The following UIMC1 variants were observed in gnomAD, a reference collection of about 807,000 sequenced individuals.
UIMC1 encodes BRCA1-A complex subunit RAP80.
A neutral mutation model predicts 84.9 loss-of-function variants in UIMC1; 42 were observed. That is an observed-to-expected ratio of 0.49 (90% CI 0.39 to 0.64). The LOEUF (loss-of-function observed/expected upper bound fraction) is 0.64, where lower values mean the gene tolerates loss of function less well. Ranked by LOEUF, UIMC1 falls within the 30% of genes least tolerant of loss-of-function variation. UIMC1 has a pLI of 0.00. For missense variants in UIMC1, 825 were observed against 847.6 expected (o/e 0.97, Z 0.33); for synonymous variants, 281 against 293.0 (o/e 0.96, Z 0.42).
intron 7 of UIMC1, among the ~76,000 whole-genome samples, chr5:176,957,005 T>C (rs1362543347): frequency 6.6e-6 from 1 of 152,116 alleles, no homozygotes; most frequent in Non-Finnish European, 1.5e-5. Context: ...GCTAATCAAT[T>C]TGAAGTCAAA....
At chr5:176,950,902 C>T (rs1364319241) in intron 9 of UIMC1, among the ~76,000 whole-genome samples, 7 of 151,882 alleles carry the variant, frequency 4.6e-5, no homozygotes, top group Non-Finnish European at 1.0e-4. Context: ...AAAATATACA[C>T]ACCGAGAATC....
chr5:176,945,465 T>C (rs1247590610), intron 9 of UIMC1, among the ~76,000 whole-genome samples: 1 of 152,156 alleles, frequency 6.6e-6, no homozygotes, highest in Admixed American at 6.5e-5. Flanking sequence ...GCACGCAGGA[T>C]CGTGTAAAGA....
chr5:176,978,567 C>CAA (rs907092588), intron 2 of UIMC1, among the ~76,000 whole-genome samples: 3 of 151,204 alleles, frequency 2.0e-5, no homozygotes, highest in Non-Finnish European at 4.4e-5. Flanking sequence ...TAGCGCCCCC[C>CAA]AAAAAAAACT....
At chr5:176,950,244 T>C (rs1275105778) in intron 9 of UIMC1, among the ~76,000 whole-genome samples, 2 of 150,770 alleles carry the variant, frequency 1.3e-5, no homozygotes, top group South Asian at 2.1e-4. Context: ...AGACTACAGA[T>C]GCGCACCACC....
In UIMC1 at chr5:177,002,882, A is replaced by G. The variant is rs183701866; in HGVS notation, c.-9+3768T>C. On this transcript the variant is annotated intron_variant, in intron 1 of 14. Transcript: ENST00000511320. ...CCAGAATATATCATTATGAGGAAACACAGGTTCAGAAAAGTAACTTGCCCA... is the reference window on the plus strand; with the variant it reads ...CCAGAATATATCATTATGAGGAAACGCAGGTTCAGAAAAGTAACTTGCCCA... Among the ~76,000 whole-genome samples the G allele has an allele frequency of 5.1e-3, 771 of 152,236 alleles. 5 individuals are homozygous for G. In the Middle Eastern group the frequency reaches 0.075, roughly 15 times the overall value.
At chr5:176,967,209 T>A (rs1768436905) in intron 6 of UIMC1, among the ~76,000 whole-genome samples, 1 of 152,122 alleles carries the variant, frequency 6.6e-6, no homozygotes, top group South Asian at 2.1e-4. Context: ...ATATCTTCCA[T>A]GTGGATGAAA....
chr5:176,949,727 G>A (rs1049744901), intron 9 of UIMC1, among the ~76,000 whole-genome samples: 247 of 152,324 alleles, frequency 1.6e-3, no homozygotes, highest in African/African-American at 5.7e-3. Flanking sequence ...GCAGCGCAGA[G>A]ACCAGGGAGA....
intron 10 of UIMC1, among the ~76,000 whole-genome samples, chr5:176,927,625 CA>C (rs1459996993): frequency 6.6e-6 from 1 of 152,030 alleles, no homozygotes; most frequent in African/African-American, 2.4e-5. Flanking sequence ...ATGTAAAATA[CA>C]TAAATGTATG....
intron 2 of UIMC1, among the ~76,000 whole-genome samples, chr5:176,981,739 G>A (rs1771086280): frequency 6.6e-6 from 1 of 151,904 alleles, no homozygotes; most frequent in Admixed American, 6.6e-5. Context: ...AGTGAGCTGA[G>A]CTAACACCAC....
At chr5:176,921,521 G>GC (rs1021245207) in intron 10 of UIMC1, among the ~76,000 whole-genome samples, 44 of 152,192 alleles carry the variant, frequency 2.9e-4, no homozygotes, top group African/African-American at 1.0e-3. Context: ...ACCTGTTCCT[G>GC]CCCCAGTGTT....
intron 10 of UIMC1, among the ~76,000 whole-genome samples, chr5:176,923,413 C>T (rs1308144519): frequency 6.6e-6 from 1 of 151,966 alleles, no homozygotes; most frequent in Non-Finnish European, 1.5e-5. Flanking sequence ...AGCTGGGTGT[C>T]GTGGCACATG....
intron 14 of UIMC1, 68 bp from the exon 15 acceptor site, chr5:176,905,560 G>A (rs535980252): frequency 1.4e-4 from 197 of 1,396,482 alleles, no homozygotes; most frequent in Non-Finnish European, 1.8e-4. Context: ...GCTATGCACT[G>A]TATCAGGGGA....
chr5:176,963,861 A>AAT (rs1767905644), intron 6 of UIMC1, among the ~76,000 whole-genome samples: 1 of 151,272 alleles, frequency 6.6e-6, no homozygotes, highest in South Asian at 2.1e-4. Context: ...AAAAAAAAAA[A>AAT]TTCCAATATC....
rs561484185 is a variant in UIMC1, at chr5:176,990,834, C to G, written c.-8-8211G>C. On this transcript the variant is annotated intron_variant, in intron 1 of 14. Transcript: ENST00000511320. ...GACTACAAGAGTACACCACAACACT[C>G]AGCTAATTTTTTTTTTTAAAGAGAT... 1.6e-3 allele frequency among the ~76,000 whole-genome samples: 247 copies of G among 151,612 alleles called. 2 individuals carry two copies. The highest frequency in any genetic ancestry group is 5.7e-3 in the African/African-American group (237 of 41,222).
chr5:177,016,804 C>T (rs926944223), intron 1 of UIMC1, among the ~76,000 whole-genome samples: 1 of 152,064 alleles, frequency 6.6e-6, no homozygotes, highest in East Asian at 1.9e-4. Flanking sequence ...AGGTGAATCA[C>T]CTGAGGTCAG....
Position 176,975,396 on chromosome 5 carries a change from G to C in UIMC1, c.232C>G (p.Gln78Glu). The C allele has an allele frequency of 1.2e-6, 2 of 1,613,268 alleles. No homozygotes were observed. The highest frequency in any genetic ancestry group is 1.7e-6 in the Non-Finnish European group (2 of 1,179,592). ...CATTATCAACAAAATGAAAACATAC[G>C]TGCGATTTTTCTTTTGGCCAAACAC... is the stretch of plus-strand genomic sequence containing the variant. Reference protein sequence around the residue: ...AKCLAKRKIAQMTEEEQFALA... With the variant: ...AKCLAKRKIAEMTEEEQFALA... The change falls in exon 3 of 15, where the codon CAG becomes GAG. Residue 78 changes from glutamine to glutamate, a missense_variant and splice_region_variant. Physicochemically the swap from Gln to Glu is conservative, Grantham distance 29. Coordinates refer to ENST00000511320, the MANE Select transcript of UIMC1 (RefSeq NM_001199298.2).
intron 9 of UIMC1, among the ~76,000 whole-genome samples, chr5:176,949,296 A>G (rs1581496455): frequency 6.6e-6 from 1 of 152,140 alleles, no homozygotes; most frequent in Non-Finnish European, 1.5e-5. Flanking sequence ...AGGACATTCA[A>G]TGTGAGAAAG....
intron 1 of UIMC1, among the ~76,000 whole-genome samples, chr5:177,018,576 G>A (rs1775722980): frequency 6.6e-6 from 1 of 152,034 alleles, no homozygotes; most frequent in Non-Finnish European, 1.5e-5. Context: ...AGGATGTGTT[G>A]GAAAATGGTT....
At chr5:176,918,926 T>G (rs796598541) in intron 10 of UIMC1, among the ~76,000 whole-genome samples, 10 of 152,202 alleles carry the variant, frequency 6.6e-5, no homozygotes, top group South Asian at 6.2e-4. Context: ...CCTCACTTTT[T>G]ATTTAAGATC....
Sources: gnomAD v4.1 joint callset for allele counts (sites outside exome capture counted in the v4.1 genomes callset) on GRCh38, gnomAD v4.1.1 for gene constraint, MANE v1.5 for transcripts, NCBI Gene and HGNC (gene_info 2026-07-23, HGNC 2026-07-21) for gene names.